The following MACROD2 variants were observed in gnomAD, a reference collection of about 807,000 sequenced individuals.
MACROD2 encodes the protein mono-ADP ribosylhydrolase 2, also known as ADP-ribose glycohydrolase MACROD2.
Under a neutral mutation model 70.4 loss-of-function variants are expected in MACROD2, and 36 were observed. The ratio of observed to expected loss-of-function variants is 0.51; its 90% confidence interval spans 0.39 to 0.68. MACROD2 has a LOEUF of 0.68. MACROD2 is among the 30% of genes least tolerant of loss of function. The probability of loss-of-function intolerance (pLI) is 0.00; values close to 1 mark genes in which losing one functional copy is unlikely to be tolerated. For synonymous variants in MACROD2, 172 were observed against 178.8 expected, an observed-to-expected ratio of 0.96 and a Z score of 0.30; for missense variants, 496 against 538.4, an observed-to-expected ratio of 0.92 and a Z score of 0.78.
intron 3 of MACROD2, among the ~76,000 whole-genome samples, chr20:14,254,950 T>C (rs1601404114): frequency 3.9e-5 from 6 of 152,222 alleles, no homozygotes; most frequent in African/African-American, 1.2e-4. Context: ...GGTGACAAAA[T>C]CTCTCAGCAT....
chr20:15,013,739 C>T (rs948690710), intron 5 of MACROD2, among the ~76,000 whole-genome samples: 2 of 152,122 alleles, frequency 1.3e-5, no homozygotes, highest in Admixed American at 6.5e-5. Context: ...GGCAGTGTAT[C>T]CCAAGAGCCC....
At chr20:15,089,621 C>T (rs1222760112) in intron 5 of MACROD2, among the ~76,000 whole-genome samples, 1 of 152,080 alleles carries the variant, frequency 6.6e-6, no homozygotes, top group Non-Finnish European at 1.5e-5. Flanking sequence ...TGCTTCCCTC[C>T]CTCCTACATT....
chr20:14,157,161 CA>C (rs1192683746), intron 3 of MACROD2, among the ~76,000 whole-genome samples: 1 of 152,160 alleles, frequency 6.6e-6, no homozygotes, highest in East Asian at 1.9e-4. Context: ...GCTCCCTATT[CA>C]TGCTATGAGA....
Position 14,852,295 on chromosome 20 carries a change from G to T in MACROD2, c.418+167336G>T, listed in dbSNP as rs557790071. Among the ~76,000 whole-genome samples, 13 of 152,228 alleles carry T rather than the reference G, an allele frequency of 8.5e-5. 1 individual carries two copies. The highest frequency in any genetic ancestry group is 2.9e-5 in the Non-Finnish European group (2 of 68,010). On this transcript the variant is annotated intron_variant, in intron 5 of 17. Coordinates refer to ENST00000684519, the MANE Select transcript of MACROD2 (RefSeq NM_001351661.2). ...CACAGTAGTCCGTTTCAGAGAGAAAGATACACAGAGCTAAAAGGACCCCAA... is the reference window on the plus strand; with the variant it reads ...CACAGTAGTCCGTTTCAGAGAGAAATATACACAGAGCTAAAAGGACCCCAA...
At chr20:14,721,681 C>A (rs2123685571) in intron 5 of MACROD2, among the ~76,000 whole-genome samples, 1 of 152,250 alleles carries the variant, frequency 6.6e-6, no homozygotes, top group Non-Finnish European at 1.5e-5. Flanking sequence ...ATTGAAAAGG[C>A]TTTCATGGCT....
intron 6 of MACROD2, among the ~76,000 whole-genome samples, chr20:15,288,892 T>C (rs1362883269): frequency 6.6e-6 from 1 of 151,736 alleles, no homozygotes; most frequent in East Asian, 1.9e-4. Flanking sequence ...TATCTATCTA[T>C]CTATCTATCT....
At chr20:14,632,501 T>G (rs1040335042) in intron 4 of MACROD2, among the ~76,000 whole-genome samples, 2 of 152,196 alleles carry the variant, frequency 1.3e-5, no homozygotes, top group Non-Finnish European at 2.9e-5. Context: ...AAGTACATAA[T>G]GATAAGGGTT....
chr20:15,760,822 A>G (rs1179400118), intron 8 of MACROD2, among the ~76,000 whole-genome samples: 1 of 152,214 alleles, frequency 6.6e-6, no homozygotes, highest in African/African-American at 2.4e-5. Context: ...TTCTATTTCA[A>G]TAAAACAAAA....
intron 8 of MACROD2, among the ~76,000 whole-genome samples, chr20:15,841,079 C>G (rs2064164743): frequency 6.6e-6 from 1 of 152,150 alleles, no homozygotes; most frequent in Admixed American, 6.6e-5. Context: ...CCTCATCTCA[C>G]ATCTGGATAT....
At chr20:14,274,902 T>C (rs1354330276) in intron 3 of MACROD2, among the ~76,000 whole-genome samples, 1 of 150,932 alleles carries the variant, frequency 6.6e-6, no homozygotes, top group Admixed American at 6.6e-5. Flanking sequence ...TCACAATTGC[T>C]TCAAAGAGTA....
chr20:14,404,638 T>G (rs1277108882), intron 3 of MACROD2, among the ~76,000 whole-genome samples: 4 of 151,972 alleles, frequency 2.6e-5, no homozygotes, highest in African/African-American at 7.2e-5. Flanking sequence ...TGAAAAACCT[T>G]AGTGGAACTG....
intron 3 of MACROD2, among the ~76,000 whole-genome samples, chr20:14,204,883 A>ATCATTTATATGATATATATC (rs2081510348): frequency 6.6e-6 from 1 of 152,056 alleles, no homozygotes; most frequent in African/African-American, 2.4e-5. Context: ...ATCATTTTTT[A>ATCATTTATATGATATATATC]AAGAACTGTA....
At chr20:15,176,503 A>G (rs938932896) in intron 5 of MACROD2, among the ~76,000 whole-genome samples, 2 of 152,092 alleles carry the variant, frequency 1.3e-5, no homozygotes, top group African/African-American at 2.4e-5. Flanking sequence ...AGACCTCAGG[A>G]CTACCAGCTG....
chr20:14,898,796 G>A (rs1268749463), intron 5 of MACROD2, among the ~76,000 whole-genome samples: 1 of 152,096 alleles, frequency 6.6e-6, no homozygotes, highest in East Asian at 1.9e-4. Context: ...TTTAGGTGAT[G>A]TACCAGTTCT....
intron 6 of MACROD2, among the ~76,000 whole-genome samples, chr20:15,379,420 C>T (rs2045610378): frequency 6.6e-6 from 1 of 151,990 alleles, no homozygotes; most frequent in South Asian, 2.1e-4. Flanking sequence ...TTCCACTTGG[C>T]ATAGTCTTGG....
chr20:14,289,452 T>C (rs1395317795), intron 3 of MACROD2, among the ~76,000 whole-genome samples: 2 of 152,218 alleles, frequency 1.3e-5, no homozygotes, highest in Non-Finnish European at 2.9e-5. Flanking sequence ...CCTTCAGTGT[T>C]CCTTTCACAT....
At position 15,135,130 on chromosome 20, in the gene MACROD2, G is replaced by T. The variant is rs1402322715; in HGVS notation, c.419-94810G>T. Among the ~76,000 whole-genome samples the T allele has an allele frequency of 2.0e-5, 3 of 151,864 alleles. No individual in the cohort carries two copies. The East Asian group carries it at 5.8e-4, about 29-fold the overall frequency. On this transcript the variant is annotated intron_variant, in intron 5 of 17. Coordinates refer to ENST00000684519, the MANE Select transcript of MACROD2 (RefSeq NM_001351661.2). ...ATGGATTCACAGCCGAATTCTACCA[G>T]AGGTACAAGGAGGAGCTGGTACCAT...
chr20:15,439,350 A>G (rs1319211387), intron 7 of MACROD2, among the ~76,000 whole-genome samples: 1 of 152,204 alleles, frequency 6.6e-6, no homozygotes, highest in African/African-American at 2.4e-5. Context: ...TGAGGATGGC[A>G]GAGCTACCTT....
At chr20:15,861,985 A>G (rs550558186) in intron 8 of MACROD2, among the ~76,000 whole-genome samples, 18 of 152,332 alleles carry the variant, frequency 1.2e-4, no homozygotes, top group African/African-American at 3.6e-4. Context: ...TGATTTAATC[A>G]GATATATGTG....
Sources: gnomAD v4.1 joint callset for allele counts (sites outside exome capture counted in the v4.1 genomes callset) on GRCh38, gnomAD v4.1.1 for gene constraint, MANE v1.5 for transcripts, NCBI Gene and HGNC (gene_info 2026-07-23, HGNC 2026-07-21) for gene names.